Variants in CDH12 observed in about 807,000 individuals in gnomAD.
The protein encoded by CDH12 is cadherin 12.
A neutral mutation model predicts 74.1 loss-of-function variants in CDH12; 41 were observed. That is an observed-to-expected ratio of 0.55 (90% CI 0.43 to 0.72). CDH12 has a LOEUF of 0.72. Among genes scored for constraint, CDH12 ranks in the 30% least tolerant of loss-of-function variants. The probability of loss-of-function intolerance (pLI) is 0.00; values close to 1 mark genes in which losing one functional copy is unlikely to be tolerated. For synonymous variants in CDH12, 399 were observed against 355.0 expected, an observed-to-expected ratio of 1.12 and a Z score of -1.39; for missense variants, 945 against 977.2, an observed-to-expected ratio of 0.97 and a Z score of 0.44.
chr5:22,590,527 C>A (rs959803053), intron 1 of CDH12, among the ~76,000 whole-genome samples: 1 of 152,044 alleles, frequency 6.6e-6, no homozygotes, highest in Admixed American at 6.6e-5. Flanking sequence ...AGAGATTTTT[C>A]TTTCCTCATT....
At position 21,783,455 on chromosome 5, in the gene CDH12, A is replaced by G. The variant is rs1746028644; in HGVS notation, c.1296T>C (p.Phe432=). The change falls in exon 11 of 15, where the codon TTT becomes TTC. Residue 432 remains phenylalanine (F), a synonymous_variant. Coordinates refer to ENST00000382254, the MANE Select transcript of CDH12 (RefSeq NM_004061.5). ...TGGTTCCTTCATTTCCATCTATTGT[A>G]AAGTAGCTGTCCCCATCACTCTTCC... ...IDWKSDGDSY[F]TIDGNEGTIA... is the part of the protein sequence containing the mutation. 5 of 1,606,940 alleles carry G rather than the reference A, an allele frequency of 3.1e-6. No homozygotes were observed. Among genetic ancestry groups the G allele is most frequent in the South Asian group, 2.2e-5 (2 of 90,952 alleles).
intron 11 of CDH12, among the ~76,000 whole-genome samples, chr5:21,766,397 C>T (rs1350101774): frequency 6.6e-6 from 1 of 151,782 alleles, no homozygotes; most frequent in Admixed American, 6.6e-5. Flanking sequence ...TCAGAAAGTA[C>T]ATATTATTTA....
chr5:21,885,177 G>A (rs963202819), intron 6 of CDH12, among the ~76,000 whole-genome samples: 3 of 151,704 alleles, frequency 2.0e-5, no homozygotes, highest in African/African-American at 4.8e-5. Flanking sequence ...ATGAGCCACC[G>A]CGCCCAGGCA....
At chr5:22,622,320 T>C (rs149976322) in intron 1 of CDH12, among the ~76,000 whole-genome samples, 1 of 150,642 alleles carries the variant, frequency 6.6e-6, no homozygotes, top group Non-Finnish European at 1.5e-5. Context: ...TCAGGAAGAT[T>C]GGCATGTCTT....
chr5:22,588,113 T>C (rs976467959), intron 1 of CDH12, among the ~76,000 whole-genome samples: 28 of 150,904 alleles, frequency 1.9e-4, no homozygotes, highest in African/African-American at 6.5e-4. Flanking sequence ...TGTGTATATA[T>C]ACATAATATT....
At chr5:22,395,261 C>G (rs1027569831) in intron 3 of CDH12, among the ~76,000 whole-genome samples, 4 of 152,004 alleles carry the variant, frequency 2.6e-5, no homozygotes, top group Admixed American at 1.3e-4. Flanking sequence ...AGGCAGAGAT[C>G]AGAGTGATGT....
chr5:22,116,577 C>A (rs977777058), intron 4 of CDH12, among the ~76,000 whole-genome samples: 22 of 151,754 alleles, frequency 1.4e-4, no homozygotes, highest in Admixed American at 3.9e-4. Flanking sequence ...TGCACTCCAG[C>A]CTGGGTGACA....
At chr5:22,482,644 ATGT>A (rs1192364580) in intron 2 of CDH12, among the ~76,000 whole-genome samples, 1 of 152,168 alleles carries the variant, frequency 6.6e-6, no homozygotes, top group East Asian at 1.9e-4. Flanking sequence ...TTAAGGTTTA[ATGT>A]TGTCAGCATA....
At chr5:22,097,630 C>T (rs1008055395) in intron 4 of CDH12, among the ~76,000 whole-genome samples, 4 of 152,052 alleles carry the variant, frequency 2.6e-5, no homozygotes, top group African/African-American at 4.8e-5. Flanking sequence ...TGTCTGCTTC[C>T]CTGACTGTTC....
chr5:22,362,392 C>T (rs1245761984), intron 3 of CDH12, among the ~76,000 whole-genome samples: 4 of 152,148 alleles, frequency 2.6e-5, no homozygotes, highest in African/African-American at 9.7e-5. Context: ...TACCATCTCA[C>T]ACCAGTTAGA....
At chr5:21,955,920 TATTCTCA>T (rs1158441777) in intron 6 of CDH12, among the ~76,000 whole-genome samples, 4 of 152,054 alleles carry the variant, frequency 2.6e-5, no homozygotes, top group Admixed American at 2.0e-4. Context: ...AATCTTACAA[TATTCTCA>T]AGAACACAGT....
At chr5:22,320,766 G>C (rs1486399482) in intron 3 of CDH12, among the ~76,000 whole-genome samples, 2 of 152,128 alleles carry the variant, frequency 1.3e-5, no homozygotes, top group African/African-American at 4.8e-5. Flanking sequence ...ATTCTCTGAG[G>C]CTCTTAAAAA....
chr5:22,134,859 C>A (rs942833765), intron 4 of CDH12, among the ~76,000 whole-genome samples: 40 of 151,064 alleles, frequency 2.6e-4, no homozygotes, highest in African/African-American at 9.0e-4. Context: ...ATTACAGCAA[C>A]AGCAAGTTGG....
At chr5:22,342,086 A>G (rs147515608) in intron 3 of CDH12, among the ~76,000 whole-genome samples, 1,948 of 152,214 alleles carry the variant, frequency 0.013, 24 homozygotes, top group Middle Eastern at 0.02. Context: ...TGGTGCATTC[A>G]TTGAGAGAGA....
chr5:22,589,958 A>G (rs143405898), intron 1 of CDH12, among the ~76,000 whole-genome samples: 22 of 152,320 alleles, frequency 1.4e-4, no homozygotes, highest in African/African-American at 5.3e-4. Flanking sequence ...AGAATCCTCA[A>G]ATTTACCATA....
At chr5:22,500,659 T>C (rs866510544) in intron 2 of CDH12, among the ~76,000 whole-genome samples, 22 of 152,288 alleles carry the variant, frequency 1.4e-4, no homozygotes, top group Middle Eastern at 6.8e-3. Context: ...ACATCTTTGA[T>C]TGCTGCACAA....
intron 3 of CDH12, among the ~76,000 whole-genome samples, chr5:22,368,894 C>T (rs1463729975): frequency 1.3e-5 from 2 of 152,020 alleles, no homozygotes; most frequent in South Asian, 2.1e-4. Context: ...TTTGGGAGGC[C>T]GAGGTGGGCA....
At chr5:22,444,315 A>G (rs1744736489) in intron 2 of CDH12, among the ~76,000 whole-genome samples, 1 of 152,080 alleles carries the variant, frequency 6.6e-6, no homozygotes, top group African/African-American at 2.4e-5. Flanking sequence ...CATGGAGTTA[A>G]AACATTAATT....
chr5:22,741,152 C>G (rs1271568403), intron 1 of CDH12, among the ~76,000 whole-genome samples: 1 of 152,096 alleles, frequency 6.6e-6, no homozygotes, highest in Non-Finnish European at 1.5e-5. Flanking sequence ...ATCATCCTCT[C>G]TAAAGGTAAG....
Sources: gnomAD v4.1 joint callset for allele counts (sites outside exome capture counted in the v4.1 genomes callset) on GRCh38, gnomAD v4.1.1 for gene constraint, MANE v1.5 for transcripts, NCBI Gene and HGNC (gene_info 2026-07-23, HGNC 2026-07-21) for gene names.